Variants in AGPAT4 observed in about 807,000 individuals in gnomAD.
AGPAT4 encodes the protein 1-acylglycerol-3-phosphate O-acyltransferase 4, also known as 1-acyl-sn-glycerol-3-phosphate acyltransferase delta.
A neutral mutation model predicts 48.0 loss-of-function variants in AGPAT4; 15 were observed. That is an observed-to-expected ratio of 0.31 (90% confidence interval 0.21 to 0.48). The LOEUF is 0.48. Ranked by LOEUF, AGPAT4 falls within the 20% of genes least tolerant of loss-of-function variation. The pLI is 0.99. For synonymous variants in AGPAT4, 178 were observed against 198.7 expected, an observed-to-expected ratio of 0.90 and a Z score of 0.88; for missense variants, 314 against 482.5, an observed-to-expected ratio of 0.65 and a Z score of 3.27.
rs75898907 is a variant in AGPAT4 at position 161,140,853 on chromosome 6, G to A, written c.844-1233C>T. ...GCTATTGTAAAAGCTGCACGTGGCCGATAGCATGCACGCCACACAAAAATG... is the reference window on the plus strand; with the variant it reads ...GCTATTGTAAAAGCTGCACGTGGCCAATAGCATGCACGCCACACAAAAATG... On this transcript the variant is annotated intron_variant, in intron 7 of 8. Transcript: ENST00000320285. This position sits in a 1 kb window ranked among gnomAD's most constrained non-coding sequence, Gnocchi z 6.5. Among the ~76,000 whole-genome samples the A allele has an allele frequency of 8.0e-3, 1,220 of 152,310 alleles. 13 individuals carry two copies. The highest frequency in any genetic ancestry group is 0.028 in the African/African-American group (1,158 of 41,568).
rs1783107356 is a variant in AGPAT4, at chr6:161,261,714, T to C, written c.-90+12224A>G. Among the ~76,000 whole-genome samples, 1 of 152,256 alleles carries C rather than the reference T, an allele frequency of 6.6e-6. No homozygotes were observed. The highest frequency in any genetic ancestry group is 2.4e-5 in the African/African-American group (1 of 41,468). The stretch of plus-strand genomic sequence containing the variant: ...TTGAGCTCTACCTCTTTTCTAGGAA[T>C]ACATGTTTGTAAGGGGGTTTCCTCC... On this transcript the variant is annotated intron_variant, in intron 1 of 8. Transcript: ENST00000320285. The surrounding 1 kb of genome is among the most constrained non-coding windows in gnomAD (Gnocchi z 5.3).
At position 161,131,933 on chromosome 6, in the gene AGPAT4, G is replaced by A. The variant is rs555708902; in HGVS notation, c.*4607C>T. ...ATTTGGTTTGTGTTTAAATGTACTT[G>A]ACACTCTGGAAACACTCAACCTAAG... On this transcript the variant is annotated 3_prime_UTR_variant, in exon 9 of 9. Transcript: ENST00000320285. The A allele has an allele frequency of 3.3e-5, 5 of 152,348 alleles. No individual in the cohort carries two copies. The East Asian group carries it at 9.7e-4, about 29-fold the overall frequency. The allele number at this position is 152,348 out of a possible 1,614,324, so 9.4% of individuals were successfully genotyped here. A position where few individuals can be genotyped will look rare whatever the true frequency, so the allele number is the denominator to read the frequency against.
rs750913208 is a variant in AGPAT4, at chr6:161,216,389, G to T, written c.178+15647C>A. The stretch of plus-strand genomic sequence containing the variant: ...TTGTCCAGGATGACAGACAACCTCT[G>T]CAACTGCCTTCTACAATCTTCAGGC... On this transcript the variant is annotated intron_variant, in intron 2 of 8. Transcript: ENST00000320285. The surrounding 1 kb of genome is among the most constrained non-coding windows in gnomAD (Gnocchi z 4.8). Among the ~76,000 whole-genome samples, 1 of 152,184 alleles carries T rather than the reference G, an allele frequency of 6.6e-6. No homozygotes were observed. The highest frequency in any genetic ancestry group is 1.5e-5 in the Non-Finnish European group (1 of 68,044).
At position 161,198,987 on chromosome 6, in the gene AGPAT4, T is replaced by C. The variant is rs960824835; in HGVS notation, c.179-32570A>G. Among the ~76,000 whole-genome samples, 3 of 152,164 alleles carry C rather than the reference T, an allele frequency of 2.0e-5. No homozygotes were observed. Among genetic ancestry groups the C allele is most frequent in the African/African-American group, 4.8e-5 (2 of 41,444 alleles). On this transcript the variant is annotated intron_variant, in intron 2 of 8. Coordinates refer to ENST00000320285, the MANE Select transcript of AGPAT4 (RefSeq NM_020133.3). This position sits in a 1 kb window ranked among gnomAD's most constrained non-coding sequence, Gnocchi z 4.3. ...AAGATTTGCTTGTTGAAATTCATGA[T>C]GCAATAAGCCTTTGGGACAGATTAC... is the stretch of plus-strand genomic sequence containing the variant.
At chr6:161,172,943 T>C (rs937060366) in intron 2 of AGPAT4, among the ~76,000 whole-genome samples, 1 of 152,216 alleles carries the variant, frequency 6.6e-6, no homozygotes, top group Non-Finnish European at 1.5e-5. Context: ...GGTTTCCAGC[T>C]TCATCCATAT....
In AGPAT4 at chr6:161,222,293, G is replaced by A. The variant is rs1465517312; in HGVS notation, c.178+9743C>T. Among the ~76,000 whole-genome samples the A allele has an allele frequency of 2.0e-5, 3 of 152,070 alleles. No individual in the cohort carries two copies. The highest frequency in any genetic ancestry group is 7.2e-5 in the African/African-American group (3 of 41,402). ...GTTCCTTATTTTGTCCTTTTTTGGT[G>A]TTTGGGTTTTATTTTGTATTTTTTC... On this transcript the variant is annotated intron_variant, in intron 2 of 8. Transcript: ENST00000320285. The surrounding 1 kb of genome is among the most constrained non-coding windows in gnomAD (Gnocchi z 5.9).
rs575558320 is a variant in AGPAT4, at chr6:161,140,608, C to T, written c.844-988G>A. Among the ~76,000 whole-genome samples the T allele has an allele frequency of 2.0e-5, 3 of 152,340 alleles. No homozygotes were observed. Among genetic ancestry groups the T allele is most frequent in the African/African-American group, 7.2e-5 (3 of 41,592 alleles). ...GAGCTGCTGAACACAAGGGAGGGAC[C>T]CAGGAACCCAGGTCAGCAGGCGTGC... On this transcript the variant is annotated intron_variant, in intron 7 of 8. Transcript: ENST00000320285. The surrounding 1 kb of genome is among the most constrained non-coding windows in gnomAD (Gnocchi z 6.5).
rs1274683930 is a variant in AGPAT4, at chr6:161,143,301, C to G, written c.843+3223G>C. On this transcript the variant is annotated intron_variant, in intron 7 of 8. Transcript: ENST00000320285. This position sits in a 1 kb window ranked among gnomAD's most constrained non-coding sequence, Gnocchi z 4.7. ...TGTTGCCCAGACTGGTCTCAAACCCCTGGCCTCAAGTGATCCTCCAGCCTC... is the reference window on the plus strand; with the variant it reads ...TGTTGCCCAGACTGGTCTCAAACCCGTGGCCTCAAGTGATCCTCCAGCCTC... Among the ~76,000 whole-genome samples the G allele has an allele frequency of 2.0e-5, 3 of 152,196 alleles. No homozygotes were observed. The highest frequency in any genetic ancestry group is 2.0e-4 in the Admixed American group (3 of 15,292).
intron 1 of AGPAT4, among the ~76,000 whole-genome samples, chr6:161,257,976 G>A (rs1180786996): frequency 1.3e-5 from 2 of 152,178 alleles, no homozygotes; most frequent in Admixed American, 6.5e-5. Context: ...TGAAATAAGT[G>A]AGGTTAACTC....
chr6:161,148,572 C>T lies in AGPAT4; in HGVS notation c.767+615G>A, dbSNP rs1054338771. 6.6e-6 allele frequency among the ~76,000 whole-genome samples: 1 copy of T among 152,140 alleles called. No homozygotes were observed. Among genetic ancestry groups the T allele is most frequent in the African/African-American group, 2.4e-5 (1 of 41,436 alleles). ...GAAGATGATCCACAGCACAACAAAC[C>T]AATACGGTCCCTGACCCGTCACACT... On this transcript the variant is annotated intron_variant, in intron 6 of 8. Transcript: ENST00000320285. This position sits in a 1 kb window ranked among gnomAD's most constrained non-coding sequence, Gnocchi z 5.5.
At chr6:161,258,054 C>T (rs1045904228) in intron 1 of AGPAT4, among the ~76,000 whole-genome samples, 4 of 152,220 alleles carry the variant, frequency 2.6e-5, no homozygotes, top group African/African-American at 9.6e-5. Flanking sequence ...TACGTTAAAA[C>T]ACTTGGAAGG....
rs1781824145 is a variant in AGPAT4 at position 161,221,145 on chromosome 6, T to C, written c.178+10891A>G. On this transcript the variant is annotated intron_variant, in intron 2 of 8. Coordinates refer to ENST00000320285, the MANE Select transcript of AGPAT4 (RefSeq NM_020133.3). This position sits in a 1 kb window ranked among gnomAD's most constrained non-coding sequence, Gnocchi z 4.5. ...ATGAACATGGTGAGCAAGGAACACA[T>C]GGTGAAGGAAACGTGTGAGGCTTTC... is the stretch of plus-strand genomic sequence containing the variant. 2.0e-5 allele frequency among the ~76,000 whole-genome samples: 3 copies of C among 152,036 alleles called. No individual in the cohort carries two copies. The highest frequency in any genetic ancestry group is 4.1e-4 in the South Asian group (2 of 4,826).
rs544521245 is a variant in AGPAT4 at position 161,199,097 on chromosome 6, G to A, written c.179-32680C>T. On this transcript the variant is annotated intron_variant, in intron 2 of 8. Transcript: ENST00000320285. ...AAAGGATTCTAGTTTGGTAATTATA[G>A]AGGAATTACAAAAAAAAAAAACACG... Among the ~76,000 whole-genome samples the A allele has an allele frequency of 5.9e-4, 87 of 146,988 alleles. 1 individual carries two copies. Among genetic ancestry groups the A allele is most frequent in the Non-Finnish European group, 1.1e-3 (72 of 65,848 alleles).
chr6:161,215,051 A>C lies in AGPAT4; in HGVS notation c.178+16985T>G, dbSNP rs758228348. The stretch of plus-strand genomic sequence containing the variant: ...CAATTTTTTCTTTGGTAGGACTACA[A>C]GCTATGTTTTTTATGTGACATTTTA... On this transcript the variant is annotated intron_variant, in intron 2 of 8. Transcript: ENST00000320285. This position sits in a 1 kb window ranked among gnomAD's most constrained non-coding sequence, Gnocchi z 4.5. Among the ~76,000 whole-genome samples, 1 of 152,184 alleles carries C rather than the reference A, an allele frequency of 6.6e-6. No individual in the cohort carries two copies. Among genetic ancestry groups the C allele is most frequent in the Non-Finnish European group, 1.5e-5 (1 of 68,020 alleles).
rs117261144 is a variant in AGPAT4, at chr6:161,187,289, T to C, written c.179-20872A>G. Among the ~76,000 whole-genome samples the C allele has an allele frequency of 3.3e-3, 508 of 152,306 alleles. 1 individual carries two copies. The highest frequency in any genetic ancestry group is 4.5e-3 in the Non-Finnish European group (307 of 68,016). ...TGTCTTGTTCAGTATTCTTCTACCA[T>C]AGAGTGTGCTTTCCTCAACAGCAGG... is the stretch of plus-strand genomic sequence containing the variant. On this transcript the variant is annotated intron_variant, in intron 2 of 8. Coordinates refer to ENST00000320285, the MANE Select transcript of AGPAT4 (RefSeq NM_020133.3).
rs192065660 is a variant in AGPAT4 at position 161,197,788 on chromosome 6, C to A, written c.179-31371G>T. Among the ~76,000 whole-genome samples the A allele has an allele frequency of 1.3e-5, 2 of 152,262 alleles. No individual in the cohort carries two copies. The highest frequency in any genetic ancestry group is 6.5e-5 in the Admixed American group (1 of 15,296). ...AGAGGGCACCCAGGAGAGTTAAGTGCCTGCCGGAGTTCTGGAAATAAAATT... is the reference window on the plus strand; with the variant it reads ...AGAGGGCACCCAGGAGAGTTAAGTGACTGCCGGAGTTCTGGAAATAAAATT... On this transcript the variant is annotated intron_variant, in intron 2 of 8. Coordinates refer to ENST00000320285, the MANE Select transcript of AGPAT4 (RefSeq NM_020133.3). This position sits in a 1 kb window ranked among gnomAD's most constrained non-coding sequence, Gnocchi z 5.7.
In AGPAT4 at chr6:161,204,943, C is replaced by T. The variant is rs574611995; in HGVS notation, c.178+27093G>A. 1.4e-4 allele frequency among the ~76,000 whole-genome samples: 21 copies of T among 152,078 alleles called. No individual in the cohort carries two copies. Among genetic ancestry groups the T allele is most frequent in the Non-Finnish European group, 2.6e-4 (18 of 68,004 alleles). On this transcript the variant is annotated intron_variant, in intron 2 of 8. Coordinates refer to ENST00000320285, the MANE Select transcript of AGPAT4 (RefSeq NM_020133.3). This position sits in a 1 kb window ranked among gnomAD's most constrained non-coding sequence, Gnocchi z 4.4. ...TGATCAGCAGTTTTTTACAATAAAC[C>T]GGGTATGAACAACGACATGACGCTG... is the stretch of plus-strand genomic sequence containing the variant.
Position 161,139,121 on chromosome 6 carries a change from G to C in AGPAT4, c.1042+301C>G, listed in dbSNP as rs889385066. On this transcript the variant is annotated intron_variant, in intron 8 of 8. Transcript: ENST00000320285. This position sits in a 1 kb window ranked among gnomAD's most constrained non-coding sequence, Gnocchi z 9.1. Reference sequence around the variant, plus strand: ...AGCAGAGCTGTCTGCGGAGGACAGGGAGGGAGCACTCCCAGCTGTCGGGGA... The same window carrying C: ...AGCAGAGCTGTCTGCGGAGGACAGGCAGGGAGCACTCCCAGCTGTCGGGGA... Among the ~76,000 whole-genome samples, 6 of 152,208 alleles carry C rather than the reference G, an allele frequency of 3.9e-5. No individual in the cohort carries two copies. Among genetic ancestry groups the C allele is most frequent in the Non-Finnish European group, 8.8e-5 (6 of 68,040 alleles).
At position 161,177,572 on chromosome 6, in the gene AGPAT4, C is replaced by A. The variant is rs1383843590; in HGVS notation, c.179-11155G>T. On this transcript the variant is annotated intron_variant, in intron 2 of 8. Coordinates refer to ENST00000320285, the MANE Select transcript of AGPAT4 (RefSeq NM_020133.3). The surrounding 1 kb of genome is among the most constrained non-coding windows in gnomAD (Gnocchi z 5.0). ...TCTTTTTTTTCAAGGTTTTTAGCTT[C>A]TTTGCGATTGGTTCAAACATCCTCC... Among the ~76,000 whole-genome samples the A allele has an allele frequency of 1.3e-5, 2 of 152,060 alleles. No homozygotes were observed. The highest frequency in any genetic ancestry group is 4.8e-5 in the African/African-American group (2 of 41,398).
Sources: gnomAD v4.1 joint callset for allele counts (sites outside exome capture counted in the v4.1 genomes callset) on GRCh38, gnomAD v4.1.1 for gene constraint, Gnocchi (gnomAD v3.1) non-coding constraint, MANE v1.5 for transcripts, NCBI Gene and HGNC (gene_info 2026-07-23, HGNC 2026-07-21) for gene names.